Variants in SYT1 observed in about 807,000 individuals in gnomAD.
The protein encoded by SYT1 is synaptotagmin 1, also known as synaptotagmin-1.
A neutral mutation model predicts 44.8 loss-of-function variants in SYT1; 8 were observed. That is an observed-to-expected ratio of 0.18 (90% CI 0.10 to 0.32). The LOEUF is 0.32. SYT1 is among the 10% of genes least tolerant of loss of function. The probability of loss-of-function intolerance (pLI) is 1.00; values close to 1 mark genes in which losing one functional copy is unlikely to be tolerated. For synonymous variants in SYT1, 154 were observed against 188.8 expected (o/e 0.82, Z 1.51); for missense variants, 286 against 509.3 (o/e 0.56, Z 4.22).
At chr12:79,052,193 T>C (rs1411745554) in intron 3 of SYT1, among the ~76,000 whole-genome samples, 1 of 152,108 alleles carries the variant, frequency 6.6e-6, no homozygotes, top group Non-Finnish European at 1.5e-5. Flanking sequence ...TTGTATCCTC[T>C]TTTATTTCAT....
intron 8 of SYT1, among the ~76,000 whole-genome samples, chr12:79,310,987 C>T (rs1488304430): frequency 1.3e-5 from 2 of 152,230 alleles, no homozygotes. Flanking sequence ...TTCCTCTTTT[C>T]CTAATTGAAT....
intron 3 of SYT1, among the ~76,000 whole-genome samples, chr12:79,107,365 T>C (rs1388922245): frequency 6.6e-6 from 1 of 151,914 alleles, no homozygotes; most frequent in African/African-American, 2.4e-5. Flanking sequence ...TGATCAACAA[T>C]TTGATCAACA....
chr12:78,890,483 A>G (rs565334138), intron 1 of SYT1, among the ~76,000 whole-genome samples: 6 of 152,070 alleles, frequency 3.9e-5, no homozygotes, highest in African/African-American at 1.4e-4. Flanking sequence ...GCACTTGTAT[A>G]CATATGTAAC....
rs1028198737 is a variant in SYT1 at position 79,443,761 on chromosome 12, G to A, written c.929-312G>A. On this transcript the variant is annotated intron_variant, in intron 9 of 10. Coordinates refer to ENST00000261205, the MANE Select transcript of SYT1 (RefSeq NM_005639.3). ...AGCTTAGTGGCTTGACATTGGCCTT[G>A]GTTGGGGTATATATATACCATAGAC... 3.3e-5 allele frequency among the ~76,000 whole-genome samples: 5 copies of A among 152,174 alleles called. No individual in the cohort carries two copies. In the East Asian group the frequency reaches 9.7e-4, roughly 29 times the overall value.
At chr12:79,113,718 TTATA>T (rs1287871071) in intron 3 of SYT1, among the ~76,000 whole-genome samples, 8 of 152,058 alleles carry the variant, frequency 5.3e-5, no homozygotes, top group African/African-American at 1.9e-4. Flanking sequence ...GAAAGCAGCA[TTATA>T]TACCAGAGAA....
At chr12:79,025,146 T>C (rs1488680786) in intron 2 of SYT1, among the ~76,000 whole-genome samples, 1 of 151,850 alleles carries the variant, frequency 6.6e-6, no homozygotes, top group Admixed American at 6.6e-5. Context: ...ATTTAGGAAG[T>C]TATGATTTGT....
chr12:79,019,146 G>T (rs866584328), intron 2 of SYT1, among the ~76,000 whole-genome samples: 8 of 151,826 alleles, frequency 5.3e-5, no homozygotes, highest in African/African-American at 1.9e-4. Flanking sequence ...TGTATCAAGG[G>T]GTCACAGATT....
rs369442656 is a variant in SYT1, at chr12:79,362,124, A to G, written c.928+8505A>G. 1.6e-4 allele frequency among the ~76,000 whole-genome samples: 25 copies of G among 152,332 alleles called. No individual in the cohort carries two copies. The East Asian group carries it at 1.7e-3, about 11-fold the overall frequency. ...GAAGAAGTAGAAACAGGGAGTTCCAAAGAGGTCTGTTCTAAGGCACTTTCA... is the reference window on the plus strand; with the variant it reads ...GAAGAAGTAGAAACAGGGAGTTCCAGAGAGGTCTGTTCTAAGGCACTTTCA... On this transcript the variant is annotated intron_variant, in intron 9 of 10. Coordinates refer to ENST00000261205, the MANE Select transcript of SYT1 (RefSeq NM_005639.3).
chr12:79,187,592 A>G (rs530722889), intron 3 of SYT1, among the ~76,000 whole-genome samples: 2 of 152,182 alleles, frequency 1.3e-5, no homozygotes, highest in South Asian at 4.1e-4. Flanking sequence ...TTCATTGCAT[A>G]TTCATGTATC....
At chr12:78,940,856 C>T (rs940832059) in intron 1 of SYT1, among the ~76,000 whole-genome samples, 5 of 151,944 alleles carry the variant, frequency 3.3e-5, no homozygotes, top group African/African-American at 4.8e-5. Context: ...GGTAAGGTGT[C>T]GAGTTAGATT....
chr12:78,979,153 T>C (rs1308398358), intron 2 of SYT1, among the ~76,000 whole-genome samples: 1 of 152,180 alleles, frequency 6.6e-6, no homozygotes, highest in Admixed American at 6.5e-5. Flanking sequence ...TGATAGTACT[T>C]CAGTTTTCTA....
In SYT1 at chr12:79,013,049, G is replaced by A. The variant is rs1008226843; in HGVS notation, c.-83-34248G>A. Among the ~76,000 whole-genome samples the A allele has an allele frequency of 5.9e-5, 9 of 151,874 alleles. No individual in the cohort carries two copies. The South Asian group carries it at 6.2e-4, about 11-fold the overall frequency. The stretch of plus-strand genomic sequence containing the variant: ...TTCCACACCAGCCTAGCTAACACTC[G>A]TCTTTCACATGTGAGCTCAGGAGTC... On this transcript the variant is annotated intron_variant, in intron 2 of 10. Transcript: ENST00000261205.
intron 9 of SYT1, among the ~76,000 whole-genome samples, chr12:79,434,841 T>C (rs1035716565): frequency 6.6e-6 from 1 of 151,982 alleles, no homozygotes; most frequent in Admixed American, 6.6e-5. Context: ...CCATCCTGCC[T>C]TCTTTTAGGT....
chr12:78,883,680 A>G (rs1276498439), intron 1 of SYT1, among the ~76,000 whole-genome samples: 2 of 151,732 alleles, frequency 1.3e-5, no homozygotes, highest in Non-Finnish European at 3.0e-5. Context: ...GGATTATTTG[A>G]GCCAATGTTA....
chr12:79,058,605 A>C (rs1363135602), intron 3 of SYT1, among the ~76,000 whole-genome samples: 1 of 152,078 alleles, frequency 6.6e-6, no homozygotes, highest in African/African-American at 2.4e-5. Flanking sequence ...TAATTGGGCC[A>C]AAGTGTCCAC....
intron 3 of SYT1, among the ~76,000 whole-genome samples, chr12:79,074,920 A>G (rs1030471450): frequency 4.9e-4 from 74 of 151,930 alleles, no homozygotes; most frequent in Non-Finnish European, 5.9e-5. Context: ...ATTGCTTTTT[A>G]CTTCTTGTTT....
At chr12:79,062,561 AT>A (rs1019975148) in intron 3 of SYT1, among the ~76,000 whole-genome samples, 1 of 152,048 alleles carries the variant, frequency 6.6e-6, no homozygotes, top group African/African-American at 2.4e-5. Flanking sequence ...TGCTTCTTTT[AT>A]TCTTTCAGAC....
chr12:79,070,889 A>G (rs1876227449), intron 3 of SYT1, among the ~76,000 whole-genome samples: 1 of 152,168 alleles, frequency 6.6e-6, no homozygotes, highest in Non-Finnish European at 1.5e-5. Context: ...TTGAAAGGAA[A>G]AAAAAGAAAG....
At chr12:79,386,425 A>G (rs1884437476) in intron 9 of SYT1, among the ~76,000 whole-genome samples, 1 of 151,808 alleles carries the variant, frequency 6.6e-6, no homozygotes, top group Admixed American at 6.6e-5. Flanking sequence ...ATAGGTATAC[A>G]CATGCCATGG....
Sources: allele counts gnomAD v4.1 joint callset (sites outside exome capture counted in the v4.1 genomes callset), GRCh38; gene constraint gnomAD v4.1.1; transcripts MANE v1.5; gene names NCBI Gene and HGNC (gene_info 2026-07-23, HGNC 2026-07-21).